Variants in NTRK2 observed in about 807,000 individuals in gnomAD.
The protein encoded by NTRK2 is neurotrophic receptor tyrosine kinase 2.
Under a neutral mutation model 94.5 loss-of-function variants are expected in NTRK2, and 13 were observed. The observed-to-expected ratio is 0.14, with a 90% CI of 0.09 to 0.22. NTRK2 has a LOEUF of 0.22. NTRK2 is among the 10% of genes least tolerant of loss of function. The pLI is 1.00. For synonymous variants in NTRK2, 372 were observed against 407.4 expected (o/e 0.91, Z 1.05); for missense variants, 639 against 1,071.2 (o/e 0.60, Z 5.63).
At chr9:84,930,917 A>G (rs921464626) in intron 14 of NTRK2, among the ~76,000 whole-genome samples, 2 of 152,230 alleles carry the variant, frequency 1.3e-5, no homozygotes, top group Non-Finnish European at 2.9e-5. Context: ...GAGCTATTTT[A>G]TCACCTACAG....
intron 12 of NTRK2, among the ~76,000 whole-genome samples, chr9:84,858,459 G>GC (rs2075174093): frequency 6.6e-6 from 1 of 151,104 alleles, no homozygotes; most frequent in Admixed American, 6.6e-5. Context: ...AGCTGCATCA[G>GC]CCTCTGGACA....
chr9:84,923,112 G>A (rs936343365), intron 14 of NTRK2, among the ~76,000 whole-genome samples: 9 of 152,152 alleles, frequency 5.9e-5, no homozygotes, highest in Non-Finnish European at 2.9e-5. Flanking sequence ...TGCCTTCTAT[G>A]GAATTGGGGT....
chr9:84,885,815 C>T (rs749198819), intron 14 of NTRK2, among the ~76,000 whole-genome samples: 2 of 151,994 alleles, frequency 1.3e-5, no homozygotes, highest in African/African-American at 2.4e-5. Flanking sequence ...ATTATGAGGT[C>T]GAGGTCAGGA....
intron 17 of NTRK2, among the ~76,000 whole-genome samples, chr9:84,967,651 T>C (rs1825710465): frequency 6.6e-6 from 1 of 152,246 alleles, no homozygotes; most frequent in African/African-American, 2.4e-5. Context: ...GGAGCCCAGC[T>C]ATGTGGCCCA....
chr9:84,823,673 C>T (rs567948225), intron 12 of NTRK2, among the ~76,000 whole-genome samples: 4 of 152,286 alleles, frequency 2.6e-5, no homozygotes, highest in Admixed American at 1.3e-4. Context: ...GAAAGCCTAG[C>T]GTACCCAAAT....
chr9:84,858,328 G>GT (rs913812038), intron 12 of NTRK2, among the ~76,000 whole-genome samples: 33 of 151,824 alleles, frequency 2.2e-4, no homozygotes, highest in Middle Eastern at 3.4e-3. Flanking sequence ...TGGCCTGAGT[G>GT]TTTTTTTTGT....
At chr9:84,955,712 G>C in intron 17 of NTRK2, 195 bp downstream of exon 17, 1 of 666,806 alleles carries the variant, frequency 1.5e-6, no homozygotes, top group Non-Finnish European at 2.7e-6. Context: ...CTGAGGCCTC[G>C]CTCCTTGGCT....
chr9:84,815,747 A>T (rs2072335640), intron 12 of NTRK2: 1 of 1,003,886 alleles, frequency 1.0e-6, no homozygotes, highest in African/African-American at 1.7e-5. Context: ...GTACTTCCTC[A>T]CACTTCCTCA....
chr9:84,992,054 T>G (rs551729561), intron 17 of NTRK2, among the ~76,000 whole-genome samples: 1 of 152,286 alleles, frequency 6.6e-6, no homozygotes, highest in Non-Finnish European at 1.5e-5. Context: ...TGCTGGAATG[T>G]GGACCAGTGG....
intron 2 of NTRK2, among the ~76,000 whole-genome samples, chr9:84,695,562 T>C (rs2060326454): frequency 6.6e-6 from 1 of 152,204 alleles, no homozygotes; most frequent in African/African-American, 2.4e-5. Context: ...AAAAATGTCT[T>C]AGTAAAGGTC....
At chr9:84,767,182 T>A (rs1414224634) in intron 12 of NTRK2, among the ~76,000 whole-genome samples, 1 of 152,210 alleles carries the variant, frequency 6.6e-6, no homozygotes, top group Non-Finnish European at 1.5e-5. Flanking sequence ...AAGGCTAATA[T>A]AATTTGAGTA....
chr9:84,893,265 A>G (rs1366201862), intron 14 of NTRK2, among the ~76,000 whole-genome samples: 1 of 152,190 alleles, frequency 6.6e-6, no homozygotes, highest in Non-Finnish European at 1.5e-5. Flanking sequence ...TAGGGCTTCA[A>G]ATAAATGGCA....
At chr9:84,783,472 T>G (rs2067811162) in intron 12 of NTRK2, among the ~76,000 whole-genome samples, 1 of 152,208 alleles carries the variant, frequency 6.6e-6, no homozygotes. Flanking sequence ...TTTATTCACT[T>G]TCAGATATGT....
chr9:84,909,404 A>G (rs550828094), intron 14 of NTRK2, among the ~76,000 whole-genome samples: 41 of 152,170 alleles, frequency 2.7e-4, no homozygotes, highest in African/African-American at 8.2e-4. Context: ...TTGTGTGAAC[A>G]TAAGTTTTCA....
At chr9:84,911,739 T>C (rs1463775027) in intron 14 of NTRK2, among the ~76,000 whole-genome samples, 1 of 152,152 alleles carries the variant, frequency 6.6e-6, no homozygotes, top group Middle Eastern at 3.2e-3. Context: ...CTATTGTTTT[T>C]GTTTTCAATT....
chr9:84,816,225 A>G (rs2133636667), intron 12 of NTRK2, among the ~76,000 whole-genome samples: 1 of 152,212 alleles, frequency 6.6e-6, no homozygotes, highest in East Asian at 1.9e-4. Flanking sequence ...TGAGACCATA[A>G]CTGTTAGCAT....
intron 4 of NTRK2, among the ~76,000 whole-genome samples, chr9:84,706,530 T>TTTA (rs1554699597): frequency 8.4e-6 from 1 of 119,246 alleles, no homozygotes; most frequent in Admixed American, 8.5e-5. Flanking sequence ...TGTTTTTGTT[T>TTTA]TTTTTTTTTT....
In NTRK2 at chr9:84,797,650, A is replaced by AT. The variant is rs1222559882; in HGVS notation, c.1396+45565_1396+45566insT. ...TATTATATATTATATATACTATAAT[A>AT]ATATATATATTATATATTATATATT... is the stretch of plus-strand genomic sequence containing the variant. On this transcript the variant is annotated intron_variant, in intron 12 of 18. Transcript: ENST00000277120. Among the ~76,000 whole-genome samples the AT allele has an allele frequency of 5.2e-3, 240 of 46,258 alleles. 7 individuals are homozygous for AT. The highest frequency in any genetic ancestry group is 6.9e-3 in the African/African-American group (68 of 9,918). 30.3% of individuals were successfully genotyped at this position (46,258 alleles called of 152,430 possible). A position where few individuals can be genotyped will look rare whatever the true frequency, so the allele number is the denominator to read the frequency against.
intron 2 of NTRK2, among the ~76,000 whole-genome samples, chr9:84,677,891 C>CG (rs2059158020): frequency 6.6e-6 from 1 of 152,132 alleles, no homozygotes; most frequent in Non-Finnish European, 1.5e-5. Context: ...ATTTGGTTGC[C>CG]TTTGGTAATA....
Sources: gnomAD v4.1 joint callset for allele counts (sites outside exome capture counted in the v4.1 genomes callset) on GRCh38, gnomAD v4.1.1 for gene constraint, MANE v1.5 for transcripts, NCBI Gene and HGNC (gene_info 2026-07-23, HGNC 2026-07-21) for gene names.